PCDHGA9: variants seen among roughly 807,000 people sequenced by gnomAD.
PCDHGA9 encodes protocadherin gamma subfamily A, 9.
Under a neutral mutation model 62.5 loss-of-function variants are expected in PCDHGA9, and 37 were observed. The observed-to-expected ratio is 0.59, with a 90% CI of 0.46 to 0.78. The LOEUF is 0.78. Among genes scored for constraint, PCDHGA9 ranks in the 30% least tolerant of loss-of-function variants. The probability of loss-of-function intolerance (pLI) is 0.00; values close to 1 mark genes in which losing one functional copy is unlikely to be tolerated. For synonymous variants in PCDHGA9, 459 were observed against 484.6 expected (o/e 0.95, Z 0.69); for missense variants, 1,138 against 1,166.2 (o/e 0.98, Z 0.35).
Position 141,404,714 on chromosome 5 carries a change from G to A in PCDHGA9, c.1762G>A (p.Val588Met). 3.1e-6 allele frequency: 5 copies of A among 1,614,068 alleles called. No homozygotes were observed. The highest frequency in any genetic ancestry group is 4.2e-6 in the Non-Finnish European group (5 of 1,180,028). The change falls in exon 1 of 4, where the codon GTG becomes ATG. Residue 588 changes from valine to methionine, a missense_variant. By Grantham distance (21) the Val-to-Met change is conservative. Transcript: ENST00000573521. ...APRSAEPGYL[V>M]TKVVAVDRDS... ...CCGCTCTGCAGAGCCTGGCTACCTG[G>A]TGACCAAGGTGGTGGCAGTGGACAG...
Position 141,483,506 on chromosome 5 carries a change from T to A in PCDHGA9, c.2425-11301T>A, listed in dbSNP as rs964063329. ...AGGGACAGGGATGAGTCAAGGCTGA[T>A]CCCCCTAGATCCTGACTAAGGAAGC... On this transcript the variant is annotated intron_variant, in intron 1 of 3. Coordinates refer to ENST00000573521, the MANE Select transcript of PCDHGA9 (RefSeq NM_018921.3). Among the ~76,000 whole-genome samples the A allele has an allele frequency of 2.7e-5, 4 of 148,396 alleles. No individual in the cohort carries two copies. In the South Asian group the frequency reaches 8.5e-4, roughly 32 times the overall value.
At chr5:141,444,531 CTG>C (rs2098439915) in intron 1 of PCDHGA9, among the ~76,000 whole-genome samples, 1 of 152,100 alleles carries the variant, frequency 6.6e-6, no homozygotes, top group Non-Finnish European at 1.5e-5. Context: ...GAGACAGTGA[CTG>C]TGTCTAGTGA....
intron 1 of PCDHGA9, chr5:141,415,563 T>G: frequency 1.2e-6 from 2 of 1,614,168 alleles, no homozygotes; most frequent in Non-Finnish European, 1.7e-6. Flanking sequence ...ATCCTTTGTC[T>G]TTGTTAGATG....
chr5:141,408,144 G>C (rs868032463), intron 1 of PCDHGA9: 4 of 1,496,186 alleles, frequency 2.7e-6, no homozygotes, highest in East Asian at 2.5e-5. Context: ...CTTTTAGCGC[G>C]GTAGAGTGCA....
chr5:141,417,230 T>C (rs2096097492), intron 1 of PCDHGA9: 1 of 152,210 alleles, frequency 6.6e-6, no homozygotes, highest in Non-Finnish European at 1.5e-5. Context: ...AAAAAATTTG[T>C]TGCTTATCTT....
At position 141,416,146 on chromosome 5, in the gene PCDHGA9, G is replaced by T. The variant is rs114133295; in HGVS notation, c.2424+10770G>T. 4.2e-3 allele frequency: 636 copies of T among 153,236 alleles called. 7 individuals carry two copies. Among genetic ancestry groups the T allele is most frequent in the South Asian group, 0.03 (145 of 4,832 alleles). 9.5% of individuals were successfully genotyped at this position (153,236 alleles called of 1,614,324 possible). Reference sequence around the variant, plus strand: ...TATATTTTTCAATCTATACTTTGTGGTGATAGTTGCAGTTGAATATACTAA... The same window carrying T: ...TATATTTTTCAATCTATACTTTGTGTTGATAGTTGCAGTTGAATATACTAA... On this transcript the variant is annotated intron_variant, in intron 1 of 3. Transcript: ENST00000573521.
In PCDHGA9 at chr5:141,477,250, C is replaced by G; in HGVS notation, c.2425-17557C>G. 6.2e-7 allele frequency: 1 copy of G among 1,614,190 alleles called. No homozygotes were observed. The highest frequency in any genetic ancestry group is 8.5e-7 in the Non-Finnish European group (1 of 1,180,040). On this transcript the variant is annotated intron_variant, in intron 1 of 3. Coordinates refer to ENST00000573521, the MANE Select transcript of PCDHGA9 (RefSeq NM_018921.3). The surrounding 1 kb of genome is among the most constrained non-coding windows in gnomAD (Gnocchi z 4.9). ...TCATCGCTTTGCTCAGTGTGACTGA[C>G]CTGGATGCTGGCGAGAACGGGCTGG...
In PCDHGA9 at chr5:141,505,419, C is replaced by T; in HGVS notation, c.2510C>T (p.Thr837Ile). 3 of 1,614,258 alleles carry T rather than the reference C, an allele frequency of 1.9e-6. No homozygotes were observed. Among genetic ancestry groups the T allele is most frequent in the Non-Finnish European group, 2.5e-6 (3 of 1,180,054 alleles). Residue 837 changes from threonine to isoleucine, a missense_variant, in exon 3 of 4, where the codon ACC becomes ATC. By Grantham distance (89) the Thr-to-Ile change is moderately conservative. Transcript: ENST00000573521. The part of the protein sequence containing the change: ...SGSQNGDDTG[T>I]WPNNQFDTEM... ...TCCCAAAATGGCGATGACACCGGCA[C>T]CTGGCCCAACAACCAGTTTGACACA...
intron 1 of PCDHGA9, among the ~76,000 whole-genome samples, chr5:141,429,377 G>GTT (rs566693637): frequency 2.2e-4 from 33 of 149,524 alleles, no homozygotes; most frequent in South Asian, 1.5e-3. Context: ...GAGAAAATGT[G>GTT]TTTTTTTTTT....
chr5:141,454,567 C>G (rs572130062), intron 1 of PCDHGA9, among the ~76,000 whole-genome samples: 1 of 150,856 alleles, frequency 6.6e-6, no homozygotes, highest in Non-Finnish European at 1.5e-5. Flanking sequence ...CCACCACGCC[C>G]GGCTAATTTT....
chr5:141,495,010 G>A (rs1327870362), intron 2 of PCDHGA9, 145 bp downstream of exon 2: 6 of 1,516,970 alleles, frequency 4.0e-6, no homozygotes, highest in Non-Finnish European at 5.3e-6. Context: ...GTGTGCGGGG[G>A]GCTGGCACAC....
intron 1 of PCDHGA9, chr5:141,423,421 G>A (rs772863950): frequency 1.2e-6 from 2 of 1,614,080 alleles, no homozygotes; most frequent in Non-Finnish European, 1.7e-6. Flanking sequence ...TTCTGAAGGC[G>A]GGTTGGCAGG....
In PCDHGA9 at chr5:141,489,645, C is replaced by T; in HGVS notation, c.2425-5162C>T. 1.2e-6 allele frequency: 2 copies of T among 1,614,156 alleles called. No homozygotes were observed. The highest frequency in any genetic ancestry group is 2.7e-5 in the African/African-American group (2 of 75,022). On this transcript the variant is annotated intron_variant, in intron 1 of 3. Transcript: ENST00000573521. This position sits in a 1 kb window ranked among gnomAD's most constrained non-coding sequence, Gnocchi z 4.5. ...ATGACAACTCTCCTAGCTTTGCCAC[C>T]CCTGAGCGAGAGATGCGCATCTCAG...
chr5:141,419,085 C>T (rs759272094), intron 1 of PCDHGA9: 1 of 1,613,936 alleles, frequency 6.2e-7, no homozygotes, highest in Non-Finnish European at 8.5e-7. Flanking sequence ...ACAGATGAGG[C>T]CCTGGATCGG....
intron 1 of PCDHGA9, chr5:141,415,799 C>T (rs1037967294): frequency 5.2e-6 from 7 of 1,335,782 alleles, no homozygotes; most frequent in Non-Finnish European, 6.7e-6. Context: ...CACCTAGTCT[C>T]AATCAAGGCC....
intron 1 of PCDHGA9, chr5:141,418,952 G>T: frequency 1.9e-6 from 3 of 1,614,050 alleles, no homozygotes; most frequent in Non-Finnish European, 2.5e-6. Context: ...TCCAGGAGTG[G>T]TTGTTGCCCT....
Position 141,494,815 on chromosome 5 carries a change from G to A in PCDHGA9, c.2433G>A (p.Pro811=), listed in dbSNP as rs765344906. 1 of 1,613,976 alleles carries A rather than the reference G, an allele frequency of 6.2e-7. No homozygotes were observed. Among genetic ancestry groups the A allele is most frequent in the South Asian group, 1.1e-5 (1 of 91,072 alleles). ...IEDTPLVPQA[P]PNTDWRFSQA... The stretch of plus-strand genomic sequence containing the variant: ...CTCTGTTTTCTCCACAGCAAGCCCC[G>A]CCCAACACGGACTGGCGTTTCTCTC... The change falls in exon 2 of 4, where the codon CCG becomes CCA. Residue 811 remains proline, a synonymous_variant. Transcript: ENST00000573521.
chr5:141,415,522 C>T, intron 1 of PCDHGA9: 1 of 1,614,178 alleles, frequency 6.2e-7, no homozygotes, highest in African/African-American at 1.3e-5. Flanking sequence ...TGCGGACACG[C>T]TCATCAGCCA....
At chr5:141,502,008 C>T (rs753492460) in intron 2 of PCDHGA9, among the ~76,000 whole-genome samples, 6 of 152,086 alleles carry the variant, frequency 3.9e-5, no homozygotes, top group Non-Finnish European at 8.8e-5. Context: ...AACCCGCATG[C>T]TCTCCTCCCT....
Sources: allele counts gnomAD v4.1 joint callset (sites outside exome capture counted in the v4.1 genomes callset), GRCh38; gene constraint gnomAD v4.1.1; non-coding constraint Gnocchi (gnomAD v3.1); transcripts MANE v1.5; gene names NCBI Gene and HGNC (gene_info 2026-07-23, HGNC 2026-07-21).